ARFGAP2: variants seen among roughly 807,000 people sequenced by gnomAD.
The protein encoded by ARFGAP2 is ARF GTPase activating protein 2, also known as ADP-ribosylation factor GTPase-activating protein 2.
A neutral mutation model predicts 71.9 loss-of-function variants in ARFGAP2; 45 were observed. The ratio of observed to expected loss-of-function variants is 0.63; its 90% CI spans 0.49 to 0.80. ARFGAP2 has a LOEUF of 0.80. ARFGAP2 is among the 30% of genes least tolerant of loss of function. The probability of loss-of-function intolerance (pLI) is 0.00; values close to 1 mark genes in which losing one functional copy is unlikely to be tolerated. For missense variants in ARFGAP2, 633 were observed against 673.9 expected (o/e 0.94, Z 0.67); for synonymous variants, 248 against 249.2 (o/e 1.00, Z 0.05).
chr11:47,167,033 T>C lies in ARFGAP2; in HGVS notation c.1206-147A>G, dbSNP rs550511129. On this transcript the variant is annotated intron_variant, in intron 12 of 15. Transcript: ENST00000524782. The stretch of plus-strand genomic sequence containing the variant: ...GTGGCTCTGTGGCTCTGGGCCCCTC[T>C]CCCCTGGTGAGGAGTCACCCTTCTC... 27 of 1,079,054 alleles carry C rather than the reference T, an allele frequency of 2.5e-5. No individual in the cohort carries two copies. In the African/African-American group the frequency reaches 3.8e-4, roughly 15 times the overall value. The allele number at this position is 1,079,054 out of a possible 1,614,324, so 66.8% of individuals were successfully genotyped here. A position where few individuals can be genotyped will look rare whatever the true frequency, so the allele number is the denominator to read the frequency against.
At chr11:47,171,881 C>A in intron 8 of ARFGAP2, 81 bp from the exon 9 acceptor site, 1 of 1,556,540 alleles carries the variant, frequency 6.4e-7, no homozygotes, top group Non-Finnish European at 8.7e-7. Context: ...GTAGCCACAC[C>A]CACAAGGAAA....
At position 47,165,280 on chromosome 11, in the gene ARFGAP2, C is replaced by T; in HGVS notation, c.*202G>A. On this transcript the variant is annotated 3_prime_UTR_variant, in exon 16 of 16. Coordinates refer to ENST00000524782, the MANE Select transcript of ARFGAP2 (RefSeq NM_032389.6). ...GGGTGGTGTGAGAGGGAATAAAGGG[C>T]TCAGTCCACAGGCAGAGGACAAGGG... The T allele has an allele frequency of 2.0e-6, 1 of 495,172 alleles. No individual in the cohort carries two copies. Among genetic ancestry groups the T allele is most frequent in the Non-Finnish European group, 3.4e-6 (1 of 291,784 alleles). 30.7% of individuals were successfully genotyped at this position (495,172 alleles called of 1,614,324 possible).
intron 12 of ARFGAP2, 147 bp downstream of exon 12, chr11:47,167,762 C>T (rs892918835): frequency 1.2e-5 from 13 of 1,046,400 alleles, no homozygotes; most frequent in Non-Finnish European, 1.7e-5. Context: ...CTCATAGCCA[C>T]ATAGTAGTGG....
At chr11:47,174,000 G>A (rs933607229) in intron 5 of ARFGAP2, 160 bp from the exon 6 acceptor site, 66 of 1,380,274 alleles carry the variant, frequency 4.8e-5, no homozygotes, top group Middle Eastern at 1.8e-4. Context: ...ATTCACTGTG[G>A]AAGAAAGCAG....
rs777622945 is a variant in ARFGAP2, at chr11:47,166,893, G to A, written c.1206-7C>T. Reference sequence around the variant, plus strand: ...TTCCCTCCGGTTTGTGGCTCTGAGGGGAAGATGTGGAATATCTCGGACTCC... The same window carrying A: ...TTCCCTCCGGTTTGTGGCTCTGAGGAGAAGATGTGGAATATCTCGGACTCC... On this transcript the variant is annotated splice_polypyrimidine_tract_variant and splice_region_variant and intron_variant, in intron 12 of 15. Coordinates refer to ENST00000524782, the MANE Select transcript of ARFGAP2 (RefSeq NM_032389.6). The A allele has an allele frequency of 5.0e-6, 8 of 1,611,860 alleles. No individual in the cohort carries two copies. The highest frequency in any genetic ancestry group is 1.7e-5 in the Admixed American group (1 of 59,970).
chr11:47,168,005 C>T lies in ARFGAP2; in HGVS notation c.1109G>A (p.Gly370Asp), dbSNP rs374917776. The T allele has an allele frequency of 5.6e-6, 9 of 1,614,086 alleles. No homozygotes were observed. In the East Asian group the frequency reaches 1.8e-4, roughly 32 times the overall value. ...DNPFSLGESF[G>D]SRWDTDAAWG... Reference sequence around the variant, plus strand: ...GGCAGCATCTGTATCCCAGCGGGAGCCAAAGCTTTCCCCTAAGGAAAAGGG... The same window carrying T: ...GGCAGCATCTGTATCCCAGCGGGAGTCAAAGCTTTCCCCTAAGGAAAAGGG... Residue 370 changes from glycine to aspartate, a missense_variant, in exon 12 of 16, where the codon GGC becomes GAC. By Grantham distance (94) the Gly-to-Asp change is moderately conservative. Coordinates refer to ENST00000524782, the MANE Select transcript of ARFGAP2 (RefSeq NM_032389.6).
intron 5 of ARFGAP2, chr11:47,174,694 C>G (rs1952731796): frequency 3.4e-6 from 1 of 298,050 alleles, no homozygotes; most frequent in Non-Finnish European, 6.4e-6. Flanking sequence ...TGCGCCCGGC[C>G]CACAGTGCCT....
chr11:47,168,139 C>A lies in ARFGAP2; in HGVS notation c.1054G>T (p.Ala352Ser). The A allele has an allele frequency of 6.2e-7, 1 of 1,614,174 alleles. No individual in the cohort carries two copies. The highest frequency in any genetic ancestry group is 8.5e-7 in the Non-Finnish European group (1 of 1,180,034). ...LDLFDDVGTFASGPPKYKDNP... is the reference protein window; with the variant it reads ...LDLFDDVGTFSSGPPKYKDNP... ...CAGCCTTACTTTGGGGGTCCAGAGG[C>A]GAAAGTACCAACATCGTCAAACAAG... Residue 352 changes from alanine to serine, a missense_variant, in exon 11 of 16, where the codon GCC becomes TCC. Ala to Ser is a moderately conservative substitution (Grantham distance 99). Transcript: ENST00000524782.
chr11:47,173,210 T>C (rs1952666990), intron 7 of ARFGAP2: 2 of 620,174 alleles, frequency 3.2e-6, no homozygotes, highest in South Asian at 1.8e-5. Flanking sequence ...CCAGGCCTTA[T>C]ACACCAGCCC....
rs1327512399 is a variant in ARFGAP2 at position 47,173,497 on chromosome 11, G to A, written c.563-15C>T. 5.8e-6 allele frequency: 9 copies of A among 1,551,700 alleles called. No homozygotes were observed. The highest frequency in any genetic ancestry group is 7.8e-6 in the Non-Finnish European group (9 of 1,147,408). ...ATGCTCCGGCTCTGTGGATGCAATG[G>A]TAGGAGTTAGAGATGAGCTCCTAGC... On this transcript the variant is annotated splice_polypyrimidine_tract_variant and intron_variant, in intron 6 of 15. Coordinates refer to ENST00000524782, the MANE Select transcript of ARFGAP2 (RefSeq NM_032389.6).
intron 5 of ARFGAP2, 154 bp from the exon 6 acceptor site, chr11:47,173,994 A>T (rs1206494675): frequency 6.3e-6 from 9 of 1,419,670 alleles, no homozygotes; most frequent in Non-Finnish European, 8.6e-6. Context: ...GTTGCTATTC[A>T]CTGTGGAAGA....
At chr11:47,166,454 C>T (rs1952381601) in intron 14 of ARFGAP2, 52 bp downstream of exon 14, 3 of 1,610,146 alleles carry the variant, frequency 1.9e-6, no homozygotes, top group East Asian at 4.5e-5. Context: ...CAGGGCCCTC[C>T]CGCCCTGCTC....
intron 7 of ARFGAP2, 160 bp downstream of exon 7, chr11:47,173,266 G>T: frequency 1.2e-6 from 1 of 857,454 alleles, no homozygotes; most frequent in Non-Finnish European, 1.9e-6. Flanking sequence ...AATCAGTGTT[G>T]CATCCACTAT....
At chr11:47,173,533 C>A in intron 6 of ARFGAP2, 51 bp from the exon 7 acceptor site, 1 of 1,517,136 alleles carries the variant, frequency 6.6e-7, no homozygotes, top group South Asian at 1.2e-5. Flanking sequence ...TTCCTGCAAC[C>A]TCCCCTTGAA....
chr11:47,173,994 A>G lies in ARFGAP2; in HGVS notation c.481-154T>C, dbSNP rs1206494675. On this transcript the variant is annotated intron_variant, in intron 5 of 15. Transcript: ENST00000524782. Reference sequence around the variant, plus strand: ...GCAAACAAGATCACAGTTGCTATTCACTGTGGAAGAAAGCAGGAAGACAAG... The same window carrying G: ...GCAAACAAGATCACAGTTGCTATTCGCTGTGGAAGAAAGCAGGAAGACAAG... 2.1e-6 allele frequency: 3 copies of G among 1,419,670 alleles called. No homozygotes were observed. The South Asian group carries it at 3.9e-5, about 18-fold the overall frequency. 87.9% of individuals were successfully genotyped at this position (1,419,670 alleles called of 1,614,324 possible). A position where few individuals can be genotyped will look rare whatever the true frequency, so the allele number is the denominator to read the frequency against.
chr11:47,174,390 T>C (rs1952716098), intron 5 of ARFGAP2: 1 of 114,936 alleles, frequency 8.7e-6, no homozygotes, highest in Admixed American at 8.6e-5. Context: ...TTTTTTTTTT[T>C]TTTTTTTTTT....
In ARFGAP2 at chr11:47,171,681, C is replaced by T; in HGVS notation, c.792G>A (p.Lys264=). Residue 264 remains lysine, a synonymous_variant, in exon 9 of 16, where the codon AAG becomes AAA. Coordinates refer to ENST00000524782, the MANE Select transcript of ARFGAP2 (RefSeq NM_032389.6). The stretch of plus-strand genomic sequence containing the variant: ...ACACTTACATGGACTCCTCCGCCTG[C>T]TTCTTGGCATCGGCTGCCTGCTGCT... ...LREQQAADAK[K]QAEESMVASM... 6.2e-7 allele frequency: 1 copy of T among 1,613,840 alleles called. No homozygotes were observed. Among genetic ancestry groups the T allele is most frequent in the Non-Finnish European group, 8.5e-7 (1 of 1,180,046 alleles).
At chr11:47,171,381 A>G in intron 10 of ARFGAP2, 45 bp downstream of exon 10, 1 of 1,608,790 alleles carries the variant, frequency 6.2e-7, no homozygotes, top group South Asian at 1.1e-5. Flanking sequence ...AATGGTTCCC[A>G]GAAAACAACG....
intron 7 of ARFGAP2, chr11:47,172,572 C>T (rs1005264461): frequency 1.2e-5 from 14 of 1,134,388 alleles, no homozygotes; most frequent in Non-Finnish European, 1.6e-5. Flanking sequence ...CAGAGACGTC[C>T]GAAGCACCAG....
Sources: gnomAD v4.1 joint callset for allele counts on GRCh38, gnomAD v4.1.1 for gene constraint, MANE v1.5 for transcripts, NCBI Gene and HGNC (gene_info 2026-07-23, HGNC 2026-07-21) for gene names.